The following SDK1 variants were observed in gnomAD, a reference collection of about 807,000 sequenced individuals.
SDK1 encodes the protein sidekick cell adhesion molecule 1.
SDK1 carries 157 observed loss-of-function variants against 245.5 expected under a neutral mutation model. The ratio of observed to expected loss-of-function variants is 0.64; its 90% CI spans 0.56 to 0.73. The LOEUF is 0.73. SDK1 is among the 30% of genes least tolerant of loss of function. SDK1 has a pLI of 0.00. For missense variants in SDK1, 3,583 were observed against 3,002.3 expected (o/e 1.19, Z -4.52); for synonymous variants, 1,647 against 1,278.5 (o/e 1.29, Z -6.15).
intron 13 of SDK1, among the ~76,000 whole-genome samples, chr7:3,985,312 T>G (rs1231155220): frequency 2.6e-5 from 4 of 152,262 alleles, no homozygotes. Context: ...TGGCTATATC[T>G]GTCAGATTTA....
intron 1 of SDK1, among the ~76,000 whole-genome samples, chr7:3,572,894 T>A (rs534676850): frequency 6.6e-6 from 1 of 152,166 alleles, no homozygotes; most frequent in South Asian, 2.1e-4. Flanking sequence ...AGAATTCCAT[T>A]GGAAGACATG....
At chr7:3,720,960 A>G (rs886628364) in intron 4 of SDK1, among the ~76,000 whole-genome samples, 55 of 152,230 alleles carry the variant, frequency 3.6e-4, no homozygotes, top group African/African-American at 1.3e-3. Context: ...ATAGACCTCA[A>G]GAGAGTTATA....
intron 17 of SDK1, among the ~76,000 whole-genome samples, chr7:4,023,069 C>T (rs767884813): frequency 6.6e-5 from 10 of 152,108 alleles, no homozygotes; most frequent in Admixed American, 5.9e-4. Flanking sequence ...CCAACACGCC[C>T]GGCCCTTGTT....
intron 1 of SDK1, among the ~76,000 whole-genome samples, chr7:3,453,547 C>G (rs1460938436): frequency 2.6e-5 from 4 of 152,166 alleles, no homozygotes; most frequent in Admixed American, 6.5e-5. Context: ...AGAGGAGGCA[C>G]TGTGACTGCA....
At chr7:4,031,982 G>C (rs1787852649) in intron 17 of SDK1, among the ~76,000 whole-genome samples, 1 of 139,060 alleles carries the variant, frequency 7.2e-6, no homozygotes, top group South Asian at 2.4e-4. Flanking sequence ...AGTTGAGATA[G>C]CGCCACTGCA....
At chr7:3,486,891 T>G (rs995472226) in intron 1 of SDK1, among the ~76,000 whole-genome samples, 5 of 152,136 alleles carry the variant, frequency 3.3e-5, no homozygotes, top group Non-Finnish European at 7.3e-5. Context: ...TGTCTTATTC[T>G]CTACCAGTTT....
At chr7:4,079,614 A>C in intron 22 of SDK1, 30 bp downstream of exon 22, 2 of 1,613,308 alleles carry the variant, frequency 1.2e-6, no homozygotes, top group Non-Finnish European at 1.7e-6. Context: ...GGGAGCTGGC[A>C]TTTGCGAAGA....
At chr7:4,054,893 T>C (rs1338204695) in intron 19 of SDK1, among the ~76,000 whole-genome samples, 1 of 152,236 alleles carries the variant, frequency 6.6e-6, no homozygotes, top group African/African-American at 2.4e-5. Context: ...GTTGGTCTGT[T>C]AGATTACATT....
chr7:3,403,869 A>ATTTTAT (rs1554266408), intron 1 of SDK1, among the ~76,000 whole-genome samples: 5 of 88,902 alleles, frequency 5.6e-5, no homozygotes, highest in African/African-American at 2.3e-4. Flanking sequence ...ATATATATAT[A>ATTTTAT]ATATATATAT....
chr7:3,333,250 A>G (rs1011425090), intron 1 of SDK1, among the ~76,000 whole-genome samples: 1 of 152,130 alleles, frequency 6.6e-6, no homozygotes, highest in Non-Finnish European at 1.5e-5. Context: ...GGCAAAAATT[A>G]TGATATTTAG....
intron 35 of SDK1, among the ~76,000 whole-genome samples, chr7:4,188,016 A>G (rs1319261564): frequency 3.9e-5 from 6 of 152,206 alleles, no homozygotes; most frequent in African/African-American, 1.2e-4. Context: ...AACCCCTTAT[A>G]AAATCATCAG....
chr7:4,254,291 A>G (rs1471572921), intron 44 of SDK1, among the ~76,000 whole-genome samples: 1 of 152,076 alleles, frequency 6.6e-6, no homozygotes. Flanking sequence ...TCTTATATTT[A>G]TCAAAGGCTC....
chr7:3,618,967 C>T (rs1781852869), intron 1 of SDK1, 113 bp from the exon 2 acceptor site: 2 of 844,172 alleles, frequency 2.4e-6, no homozygotes, highest in African/African-American at 1.7e-5. Context: ...GCCAAACAGC[C>T]ATCACTTTCA....
intron 1 of SDK1, among the ~76,000 whole-genome samples, chr7:3,392,962 T>TTTC (rs71550400): frequency 7.7e-5 from 2 of 25,974 alleles, no homozygotes; most frequent in Non-Finnish European, 1.5e-4. Flanking sequence ...CTGTTTTAAA[T>TTTC]TTTTTTTTTT....
intron 4 of SDK1, among the ~76,000 whole-genome samples, chr7:3,660,989 G>A (rs191293276): frequency 5.3e-5 from 8 of 152,276 alleles, no homozygotes; most frequent in African/African-American, 1.7e-4. Context: ...AATTACCTCT[G>A]CTGAGTAATT....
intron 15 of SDK1, among the ~76,000 whole-genome samples, chr7:4,011,349 G>A (rs887804094): frequency 2.6e-5 from 4 of 152,208 alleles, no homozygotes; most frequent in Admixed American, 6.5e-5. Context: ...TTCCTGTGGC[G>A]ATCTGGCTGT....
intron 1 of SDK1, among the ~76,000 whole-genome samples, chr7:3,337,283 G>A (rs1780226664): frequency 6.6e-6 from 1 of 152,090 alleles, no homozygotes; most frequent in Admixed American, 6.5e-5. Flanking sequence ...TACTGAATGG[G>A]CTCAATAGAG....
intron 26 of SDK1, chr7:4,129,619 G>T: frequency 8.0e-7 from 1 of 1,252,566 alleles, no homozygotes; most frequent in Non-Finnish European, 1.0e-6. Context: ...GGCTGTGGTT[G>T]GCATGGCTGC....
intron 21 of SDK1, among the ~76,000 whole-genome samples, chr7:4,078,163 G>A (rs905223184): frequency 6.6e-6 from 1 of 152,182 alleles, no homozygotes; most frequent in Non-Finnish European, 1.5e-5. Context: ...GGTGCAGGGA[G>A]GCACTGGAGT....
Sources: allele counts gnomAD v4.1 joint callset (sites outside exome capture counted in the v4.1 genomes callset), GRCh38; gene constraint gnomAD v4.1.1; transcripts MANE v1.5; gene names NCBI Gene and HGNC (gene_info 2026-07-23, HGNC 2026-07-21).